The following RAD51B variants were observed in gnomAD, a reference collection of about 807,000 sequenced individuals.
The protein encoded by RAD51B is RAD51 paralog B.
A neutral mutation model predicts 42.2 loss-of-function variants in RAD51B; 38 were observed. That is an observed-to-expected ratio of 0.90 (90% CI 0.70 to 1.18). The LOEUF is 1.18. RAD51B is among the 50% of genes most tolerant of loss of function. The pLI is 0.00. For synonymous variants in RAD51B, 154 were observed against 145.2 expected, an observed-to-expected ratio of 1.06 and a Z score of -0.43; for missense variants, 373 against 400.7, an observed-to-expected ratio of 0.93 and a Z score of 0.59.
chr14:68,148,843 G>T (rs144130780), intron 7 of RAD51B, among the ~76,000 whole-genome samples: 4 of 152,166 alleles, frequency 2.6e-5, no homozygotes, highest in African/African-American at 9.6e-5. Context: ...GAAGTGTTCT[G>T]AGCATGTTTA....
rs139289032 is a variant in RAD51B at position 67,951,689 on chromosome 14, A to G, written c.756+64485A>G. ...TAGAATATTAAATTGTACTTTAACCATACCACATGTTTTTATAACATATAA... is the reference window on the plus strand; with the variant it reads ...TAGAATATTAAATTGTACTTTAACCGTACCACATGTTTTTATAACATATAA... On this transcript the variant is annotated intron_variant, in intron 7 of 10. Transcript: ENST00000471583. 5.9e-3 allele frequency among the ~76,000 whole-genome samples: 899 copies of G among 152,350 alleles called. 17 individuals carry two copies. Among genetic ancestry groups the G allele is most frequent in the Non-Finnish European group, 3.5e-3 (236 of 68,038 alleles).
At chr14:68,261,461 CCG>C (rs954746616) in intron 7 of RAD51B, among the ~76,000 whole-genome samples, 2 of 152,088 alleles carry the variant, frequency 1.3e-5, no homozygotes, top group African/African-American at 4.8e-5. Context: ...CATCAGCACC[CCG>C]TTTAATGTAT....
At chr14:68,270,516 T>G (rs979489191) in intron 7 of RAD51B, among the ~76,000 whole-genome samples, 1 of 152,214 alleles carries the variant, frequency 6.6e-6, no homozygotes, top group Non-Finnish European at 1.5e-5. Flanking sequence ...GAAAGTGTAA[T>G]ATAGCTTGCC....
At chr14:68,309,855 G>T (rs1444422813) in intron 8 of RAD51B, among the ~76,000 whole-genome samples, 1 of 152,162 alleles carries the variant, frequency 6.6e-6, no homozygotes, top group Non-Finnish European at 1.5e-5. Flanking sequence ...GCCAAAGGAA[G>T]TGAATAATCA....
chr14:67,868,200 A>C (rs891340727), intron 5 of RAD51B, among the ~76,000 whole-genome samples: 4 of 152,130 alleles, frequency 2.6e-5, no homozygotes, highest in Non-Finnish European at 5.9e-5. Context: ...GGGAGTGCCA[A>C]ACAGTGGGCG....
intron 10 of RAD51B, among the ~76,000 whole-genome samples, chr14:68,531,261 C>A (rs186920715): frequency 6.6e-6 from 1 of 151,712 alleles, no homozygotes; most frequent in Non-Finnish European, 1.5e-5. Context: ...AGAAGTAAGT[C>A]AAATATGATG....
At chr14:68,445,969 G>T (rs2753404) in intron 9 of RAD51B, among the ~76,000 whole-genome samples, 100,216 of 152,028 alleles carry the variant, frequency 0.66, 33,178 homozygotes, top group South Asian at 0.72. Context: ...CTCTAGAGGG[G>T]CTCAAAAGTG....
At chr14:68,557,961 G>C (rs1181392752) in intron 10 of RAD51B, among the ~76,000 whole-genome samples, 1 of 149,070 alleles carries the variant, frequency 6.7e-6, no homozygotes, top group Non-Finnish European at 1.5e-5. Context: ...GGGGCTGGGG[G>C]AGAATTCCTG....
At chr14:67,912,985 T>G (rs903935690) in intron 7 of RAD51B, among the ~76,000 whole-genome samples, 5 of 152,202 alleles carry the variant, frequency 3.3e-5, no homozygotes, top group African/African-American at 9.7e-5. Flanking sequence ...ATTACAGGCG[T>G]GAGCCACTGC....
At chr14:67,981,830 G>A (rs189723082) in intron 7 of RAD51B, among the ~76,000 whole-genome samples, 14 of 152,276 alleles carry the variant, frequency 9.2e-5, no homozygotes, top group Admixed American at 3.9e-4. Flanking sequence ...GAATTACAAA[G>A]AGGCACAAGG....
intron 8 of RAD51B, among the ~76,000 whole-genome samples, chr14:68,301,746 A>T (rs1351769287): frequency 1.3e-5 from 2 of 151,846 alleles, no homozygotes; most frequent in Non-Finnish European, 2.9e-5. Flanking sequence ...ACAGGCATGC[A>T]CCACCACGCC....
At chr14:68,166,017 C>T (rs112590533) in intron 7 of RAD51B, among the ~76,000 whole-genome samples, 2,044 of 151,928 alleles carry the variant, frequency 0.013, 47 homozygotes, top group African/African-American at 0.047. Flanking sequence ...ATATTGTGCC[C>T]GATACCCAGT....
At chr14:68,177,349 G>A (rs1319967742) in intron 7 of RAD51B, among the ~76,000 whole-genome samples, 3 of 152,216 alleles carry the variant, frequency 2.0e-5, no homozygotes, top group Non-Finnish European at 4.4e-5. Flanking sequence ...GTTTACACAG[G>A]TAGGCACCTA....
intron 4 of RAD51B, among the ~76,000 whole-genome samples, chr14:67,855,956 C>T (rs1019255492): frequency 6.6e-5 from 10 of 152,192 alleles, no homozygotes; most frequent in African/African-American, 1.4e-4. Flanking sequence ...TTAGCATATG[C>T]GGTTGATTGG....
intron 7 of RAD51B, among the ~76,000 whole-genome samples, chr14:68,008,351 A>G (rs1291068930): frequency 1.3e-5 from 2 of 151,968 alleles, no homozygotes; most frequent in Non-Finnish European, 2.9e-5. Context: ...GTAAGATACA[A>G]AGCTGTGTAA....
chr14:68,064,178 A>G (rs2076613311), intron 7 of RAD51B, among the ~76,000 whole-genome samples: 1 of 152,168 alleles, frequency 6.6e-6, no homozygotes, highest in African/African-American at 2.4e-5. Flanking sequence ...TTTCTTAGGA[A>G]AGACTTTATT....
At chr14:68,067,868 G>A (rs1267349735) in intron 7 of RAD51B, among the ~76,000 whole-genome samples, 2 of 144,424 alleles carry the variant, frequency 1.4e-5, no homozygotes, top group Non-Finnish European at 3.0e-5. Context: ...GGAGGCAGAG[G>A]TTGCGGTGAG....
At chr14:68,231,618 G>T (rs2080151431) in intron 7 of RAD51B, among the ~76,000 whole-genome samples, 1 of 152,098 alleles carries the variant, frequency 6.6e-6, no homozygotes, top group Non-Finnish European at 1.5e-5. Flanking sequence ...AGTTCCTTGT[G>T]ATCTACAAAT....
intron 7 of RAD51B, among the ~76,000 whole-genome samples, chr14:67,954,052 A>C (rs2074502555): frequency 6.6e-6 from 1 of 152,140 alleles, no homozygotes; most frequent in Non-Finnish European, 1.5e-5. Context: ...GTCTCTCTTG[A>C]GGTGTGTGAT....
Sources: gnomAD v4.1 joint callset for allele counts (sites outside exome capture counted in the v4.1 genomes callset) on GRCh38, gnomAD v4.1.1 for gene constraint, MANE v1.5 for transcripts, NCBI Gene and HGNC (gene_info 2026-07-23, HGNC 2026-07-21) for gene names.